The following MN1 variants were observed in gnomAD, a reference collection of about 807,000 sequenced individuals.
MN1 encodes transcriptional activator MN1.
MN1 carries 19 observed loss-of-function variants against 86.9 expected under a neutral mutation model. The ratio of observed to expected loss-of-function variants is 0.22; its 90% CI spans 0.15 to 0.32. The LOEUF is 0.32. Among genes scored for constraint, MN1 ranks in the 10% least tolerant of loss-of-function variants. The pLI, the probability that MN1 is intolerant of heterozygous loss-of-function variation, is 1.00. For synonymous variants in MN1, 928 were observed against 849.6 expected (o/e 1.09, Z -1.60); for missense variants, 1,841 against 1,862.0 (o/e 0.99, Z 0.21).
Position 27,800,020 on chromosome 22 carries a change from T to A in MN1, c.524A>T (p.Asp175Val). 1 of 1,604,440 alleles carries A rather than the reference T, an allele frequency of 6.2e-7. No individual in the cohort carries two copies. Among genetic ancestry groups the A allele is most frequent in the East Asian group, 2.2e-5 (1 of 44,816 alleles). The part of the protein sequence containing the change: ...FGPQRPGNLP[D>V]FHSSGASSHA... ...GCTGGAGGCACCTGAACTGTGGAAG[T>A]CCGGGAGGTTCCCCGGTCGCTGCGG... is the stretch of plus-strand genomic sequence containing the variant. Residue 175 changes from aspartate to valine, a missense_variant, in exon 1 of 2, where the codon GAC (aspartate) becomes GTC (valine). Physicochemically the swap from Asp to Val is radical, Grantham distance 152 (BLOSUM62 -3). Transcript: ENST00000302326.
In MN1 at chr22:27,800,508, G is replaced by T. The variant is rs1933414705; in HGVS notation, c.36C>A (p.Asn12Lys). ...TCTCGCCCTGGCCAGCGTTCCTGCT[G>T]TTGACCTGGGGCTCGAATTGGTCCA... ...FGLDQFEPQV[N>K]SRNAGQGERN... Residue 12 changes from asparagine (N) to lysine (K), a missense_variant, in exon 1 of 2, where the codon AAC becomes AAA. By Grantham distance (94) the Asn-to-Lys change is moderately conservative. Transcript: ENST00000302326. 2 of 1,614,100 alleles carry T rather than the reference G, an allele frequency of 1.2e-6. No homozygotes were observed. The highest frequency in any genetic ancestry group is 3.3e-5 in the Admixed American group (2 of 60,014).
At chr22:27,769,570 TGAGACAGAGTCTCGCTCTGTCACCCAGGC>T (rs1248299617) in intron 1 of MN1, among the ~76,000 whole-genome samples, 1,763 of 143,392 alleles carry the variant, frequency 0.012, 41 homozygotes, top group African/African-American at 0.044. Flanking sequence ...TTTTTTTTTT[TGAGACAGAGTCTCGCTCTGTCACCCAGGC>T]TGGAGTGCAG....
At position 27,800,406 on chromosome 22, in the gene MN1, G is replaced by A. The variant is rs1178115863; in HGVS notation, c.138C>T (p.Gly46=). The A allele has an allele frequency of 1.8e-5, 29 of 1,613,956 alleles. No individual in the cohort carries two copies. Among genetic ancestry groups the A allele is most frequent in the Non-Finnish European group, 2.4e-5 (28 of 1,179,986 alleles). Residue 46 remains glycine, a synonymous_variant, in exon 1 of 2, where the codon GGC becomes GGT. Coordinates refer to ENST00000302326, the MANE Select transcript of MN1 (RefSeq NM_002430.3). Reference sequence around the variant, plus strand: ...GCGCGCTCATAGCAGGATCCACAGGGCCAGGGGGCCCCCCAGTGTGGAAAG... The same window carrying A: ...GCGCGCTCATAGCAGGATCCACAGGACCAGGGGGCCCCCCAGTGTGGAAAG... ...APAFHTGGPP[G]PVDPAMSALG...
chr22:27,799,253 G>A lies in MN1; in HGVS notation c.1291C>T (p.His431Tyr), dbSNP rs767524875. Residue 431 changes from histidine to tyrosine, a missense_variant, in exon 1 of 2, where the codon CAT becomes TAT. Transcript: ENST00000302326. ...PYSEPVFSMQ[H>Y]PPPQQAPNQR... ...TTGGGCGCCTGCTGCGGAGGAGGAT[G>A]CTGCATGCTGAAAACAGGCTCGGAA... The A allele has an allele frequency of 1.3e-6, 2 of 1,584,478 alleles. No homozygotes were observed. Among genetic ancestry groups the A allele is most frequent in the Non-Finnish European group, 1.7e-6 (2 of 1,163,538 alleles).
chr22:27,788,948 C>T (rs1933176217), intron 1 of MN1, among the ~76,000 whole-genome samples: 2 of 152,166 alleles, frequency 1.3e-5, no homozygotes, highest in Non-Finnish European at 2.9e-5. Context: ...TCAAACAAAA[C>T]CATCATGCCC....
intron 1 of MN1, among the ~76,000 whole-genome samples, chr22:27,780,474 G>A (rs45464895): frequency 2.3e-4 from 35 of 152,308 alleles, no homozygotes; most frequent in African/African-American, 8.4e-4. Context: ...CAATCCGGCT[G>A]ACAGCTGACA....
At chr22:27,771,890 T>C (rs1045657814) in intron 1 of MN1, among the ~76,000 whole-genome samples, 4 of 152,202 alleles carry the variant, frequency 2.6e-5, no homozygotes, top group Non-Finnish European at 4.4e-5. Flanking sequence ...GTGGGAAGTG[T>C]TGCTGGGGCT....
Position 27,796,992 on chromosome 22 carries a change from C to T in MN1, c.3552G>A (p.Glu1184=), listed in dbSNP as rs377202199. 9.7e-5 allele frequency: 156 copies of T among 1,612,506 alleles called. No homozygotes were observed. The highest frequency in any genetic ancestry group is 1.3e-4 in the Non-Finnish European group (150 of 1,179,722). ...GCGCCCCTGAGGCCCCGACGGCGCA[C>T]TCACCCTTCTTGCCACCCTTCAGCC... ...PLGLKGGKKG[E]CAVGASGAQN... Residue 1184 remains glutamate (E), a synonymous_variant, in exon 1 of 2, where the codon GAG becomes GAA. Transcript: ENST00000302326.
chr22:27,753,971 T>C (rs1932786376), intron 1 of MN1, among the ~76,000 whole-genome samples: 3 of 152,208 alleles, frequency 2.0e-5, no homozygotes, highest in Middle Eastern at 3.4e-3. Context: ...AGAGAAAATC[T>C]GAAAGGGGGT....
rs1933115439 is a variant in MN1, at chr22:27,785,410, C to T, written c.3781+11353G>A. ...CACGTCGCACCAAAGGAGTCCTCCC[C>T]CACATCTTACGCCTGGACGCCAAGA... On this transcript the variant is annotated intron_variant, in intron 1 of 1. Coordinates refer to ENST00000302326, the MANE Select transcript of MN1 (RefSeq NM_002430.3). Among the ~76,000 whole-genome samples the T allele has an allele frequency of 2.6e-5, 4 of 152,322 alleles. No homozygotes were observed. The South Asian group carries it at 6.2e-4, about 24-fold the overall frequency.
In MN1 at chr22:27,797,214, G is replaced by A. The variant is rs751939270; in HGVS notation, c.3330C>T (p.Asn1110=). Reference sequence around the variant, plus strand: ...CGTAGCTGTCAGGGGTCGAGGTAGAGTTAGACATGATGCCCAGGCCGAGGG... The same window carrying A: ...CGTAGCTGTCAGGGGTCGAGGTAGAATTAGACATGATGCCCAGGCCGAGGG... ...PPALGLGIMS[N]STSTPDSYGG... is the part of the protein sequence containing the mutation. The change falls in exon 1 of 2, where the codon AAC becomes AAT. Residue 1110 remains asparagine (N), a synonymous_variant. Transcript: ENST00000302326. 3.2e-6 allele frequency: 5 copies of A among 1,561,112 alleles called. No individual in the cohort carries two copies. The highest frequency in any genetic ancestry group is 1.9e-5 in the Admixed American group (1 of 53,362).
chr22:27,756,489 A>G (rs989795435), intron 1 of MN1, among the ~76,000 whole-genome samples: 9 of 151,694 alleles, frequency 5.9e-5, no homozygotes, highest in Admixed American at 5.9e-4. Context: ...TGACCCAGCC[A>G]CCTCCTGCCC....
intron 1 of MN1, among the ~76,000 whole-genome samples, chr22:27,777,095 C>T (rs758706004): frequency 2.0e-5 from 3 of 152,164 alleles, no homozygotes; most frequent in Non-Finnish European, 4.4e-5. Flanking sequence ...CCTTTACCGC[C>T]CCACCTTTAT....
In MN1 at chr22:27,797,188, CCGTAGCT is replaced by C; in HGVS notation, c.3349_3355del (p.Ser1117AlafsTer59). 6.4e-7 allele frequency: 1 copy of C among 1,558,330 alleles called. No individual in the cohort carries two copies. Among genetic ancestry groups the C allele is most frequent in the Non-Finnish European group, 8.6e-7 (1 of 1,156,170 alleles). The stretch of plus-strand genomic sequence containing the variant: ...CGGATGGCCCGGGCCCCCACCGCCG[CCGTAGCT>C]GTCAGGGGTCGAGGTAGAGTTAGAC... On this transcript the variant is annotated frameshift_variant, in exon 1 of 2. Transcript: ENST00000302326. LOFTEE classifies it high-confidence loss of function.
chr22:27,763,244 G>A (rs568368922), intron 1 of MN1, among the ~76,000 whole-genome samples: 1 of 152,364 alleles, frequency 6.6e-6, no homozygotes, highest in Admixed American at 6.5e-5. Context: ...CTGATACTTT[G>A]GGTGGAGGTC....
chr22:27,790,491 G>T (rs1933196170), intron 1 of MN1, among the ~76,000 whole-genome samples: 1 of 152,204 alleles, frequency 6.6e-6, no homozygotes. Flanking sequence ...TCGGGGCCCT[G>T]GGTGGCTCTG....
chr22:27,762,628 C>G (rs1389416784), intron 1 of MN1, among the ~76,000 whole-genome samples: 1 of 152,074 alleles, frequency 6.6e-6, no homozygotes, highest in Non-Finnish European at 1.5e-5. Flanking sequence ...TAGTGTTAGA[C>G]CCTATACTGA....
chr22:27,762,259 G>A (rs763601588), intron 1 of MN1, among the ~76,000 whole-genome samples: 2 of 152,174 alleles, frequency 1.3e-5, no homozygotes, highest in Non-Finnish European at 2.9e-5. Context: ...TGTTGCCCGC[G>A]TGCTTATGCA....
intron 1 of MN1, among the ~76,000 whole-genome samples, chr22:27,780,196 A>G (rs1330065233): frequency 6.6e-6 from 1 of 152,134 alleles, no homozygotes; most frequent in Non-Finnish European, 1.5e-5. Flanking sequence ...TCTGTGCTCC[A>G]CACCCTCCCC....
Sources: gnomAD v4.1 joint callset for allele counts (sites outside exome capture counted in the v4.1 genomes callset) on GRCh38, gnomAD v4.1.1 for gene constraint, MANE v1.5 for transcripts, NCBI Gene and HGNC (gene_info 2026-07-23, HGNC 2026-07-21) for gene names.